Variants in LYPLAL1 observed in about 807,000 individuals in gnomAD.
LYPLAL1 encodes lysophospholipase like 1.
In LYPLAL1, 23 loss-of-function variants were observed where a neutral mutation model predicts 19.7. That is an observed-to-expected ratio of 1.17 (90% CI 0.84 to 1.65). LYPLAL1 has a LOEUF of 1.65. Among genes scored for constraint, LYPLAL1 ranks in the 40% most tolerant of loss-of-function variants. LYPLAL1 has a pLI of 0.00. For synonymous variants in LYPLAL1, 119 were observed against 96.3 expected (o/e 1.24, Z -1.38); for missense variants, 355 against 279.4 (o/e 1.27, Z -1.93).
downstream of LYPLAL1, among the ~76,000 whole-genome samples, chr1:219,216,910 A>G (rs1439671822): frequency 6.6e-6 from 1 of 152,150 alleles, no homozygotes; most frequent in East Asian, 1.9e-4. Flanking sequence ...CTGCCAGAGT[A>G]CAATATGTAA....
Position 219,182,860 on chromosome 1 carries a change from T to C in LYPLAL1, c.191+3614T>C, listed in dbSNP as rs78949275. On this transcript the variant is annotated intron_variant, in intron 2 of 4. Transcript: ENST00000366928. The stretch of plus-strand genomic sequence containing the variant: ...ATTCAGGGTTTACCTGCCTGTTAGT[T>C]GGCCAGTTTTGTCCTAGAATGTATC... 1.9e-3 allele frequency among the ~76,000 whole-genome samples: 282 copies of C among 152,234 alleles called. 1 individual carries two copies. Among genetic ancestry groups the C allele is most frequent in the African/African-American group, 6.1e-3 (252 of 41,560 alleles).
At chr1:219,281,874 G>A in the LYPLAL1 span, among the ~76,000 whole-genome samples, 6 of 152,150 alleles carry the variant, frequency 3.9e-5, no homozygotes, top group Admixed American at 2.0e-4. Context: ...GAAAGGGGAC[G>A]TCATCCCCAC....
chr1:219,424,877 G>T, the LYPLAL1 span, among the ~76,000 whole-genome samples: 9 of 152,072 alleles, frequency 5.9e-5, 1 homozygote, highest in Admixed American at 4.6e-4. Flanking sequence ...TTATATATAA[G>T]AGAAGAATAA....
the LYPLAL1 span, among the ~76,000 whole-genome samples, chr1:219,241,134 C>CTATATATATATATATATATATATA: frequency 2.3e-5 from 1 of 44,360 alleles, no homozygotes; most frequent in Non-Finnish European, 4.3e-5. Context: ...CTCTCTCTCT[C>CTATATATATATATATATATATATA]TATATATATA....
chr1:219,418,965 T>C, the LYPLAL1 span, among the ~76,000 whole-genome samples: 1 of 152,218 alleles, frequency 6.6e-6, no homozygotes, highest in South Asian at 2.1e-4. Context: ...TCCCCATTCT[T>C]TTTTCTTGGC....
chr1:219,305,637 G>A, the LYPLAL1 span, among the ~76,000 whole-genome samples: 1 of 152,178 alleles, frequency 6.6e-6, no homozygotes, highest in Non-Finnish European at 1.5e-5. Context: ...ATGGCAGAAA[G>A]TGATATTCAG....
the LYPLAL1 span, among the ~76,000 whole-genome samples, chr1:219,363,104 G>A: frequency 2.6e-5 from 4 of 152,114 alleles, no homozygotes; most frequent in Non-Finnish European, 2.9e-5. Flanking sequence ...GCCTACCTAT[G>A]TAAGAATTAA....
At chr1:219,218,048 A>G in the LYPLAL1 span, among the ~76,000 whole-genome samples, 1 of 151,996 alleles carries the variant, frequency 6.6e-6, no homozygotes, top group Non-Finnish European at 1.5e-5. Flanking sequence ...TAATCCTTAA[A>G]GAGAAGTAAA....
the LYPLAL1 span, among the ~76,000 whole-genome samples, chr1:219,267,810 A>G: frequency 3.3e-5 from 5 of 152,338 alleles, no homozygotes; most frequent in East Asian, 3.9e-4. Context: ...TGTTCTTTCT[A>G]TCATTCAGAG....
the LYPLAL1 span, among the ~76,000 whole-genome samples, chr1:219,419,592 C>CAGAGAGAGAGAG: frequency 7.9e-3 from 496 of 62,710 alleles, 3 homozygotes; most frequent in African/African-American, 0.022. Context: ...CACACACACA[C>CAGAGAGAGAGAG]ACAGAGAGAG....
At position 219,193,114 on chromosome 1, in the gene LYPLAL1, A is replaced by G. The variant is rs777326480; in HGVS notation, c.224A>G (p.Asn75Ser). ...SYTPMKGGIS[N>S]VWFDRFKITN... is the part of the protein sequence containing the mutation. Reference sequence around the variant, plus strand: ...ACTCCTATGAAAGGAGGAATCTCCAATGTATGGTTTGACAGATTTAAAATA... The same window carrying G: ...ACTCCTATGAAAGGAGGAATCTCCAGTGTATGGTTTGACAGATTTAAAATA... The change falls in exon 3 of 5, where the codon AAT becomes AGT. Residue 75 changes from asparagine (N) to serine (S), a missense_variant. Coordinates refer to ENST00000366928, the MANE Select transcript of LYPLAL1 (RefSeq NM_138794.5). The G allele has an allele frequency of 9.9e-6, 16 of 1,609,082 alleles. No individual in the cohort carries two copies. In the East Asian group the frequency reaches 1.6e-4, roughly 16 times the overall value.
chr1:219,400,233 G>A, the LYPLAL1 span, among the ~76,000 whole-genome samples: 4 of 151,866 alleles, frequency 2.6e-5, no homozygotes, highest in Non-Finnish European at 5.9e-5. Context: ...TGCACCAGTT[G>A]TCTCAGCCCT....
chr1:219,415,575 A>C, the LYPLAL1 span, among the ~76,000 whole-genome samples: 1 of 152,346 alleles, frequency 6.6e-6, no homozygotes, highest in East Asian at 1.9e-4. Flanking sequence ...TAGTGAGCAC[A>C]TACACTTGAG....
the LYPLAL1 span, among the ~76,000 whole-genome samples, chr1:219,368,612 C>A: frequency 6.6e-6 from 1 of 152,170 alleles, no homozygotes. Context: ...GACTAAGCCA[C>A]CAACAGTGTC....
the LYPLAL1 span, among the ~76,000 whole-genome samples, chr1:219,347,229 G>A: frequency 1.1e-4 from 17 of 152,100 alleles, no homozygotes; most frequent in Admixed American, 5.9e-4. Flanking sequence ...GCTATGCCCA[G>A]GGTTTTGATT....
chr1:219,381,676 T>C, the LYPLAL1 span, among the ~76,000 whole-genome samples: 4 of 152,150 alleles, frequency 2.6e-5, no homozygotes, highest in Non-Finnish European at 5.9e-5. Flanking sequence ...AGAGTGCCCT[T>C]TTAAAGGCAT....
intron 2 of LYPLAL1, among the ~76,000 whole-genome samples, chr1:219,184,429 T>C (rs1000859624): frequency 1.3e-5 from 2 of 151,986 alleles, no homozygotes; most frequent in Non-Finnish European, 2.9e-5. Flanking sequence ...ATATTCCTTA[T>C]GAATTTCGTG....
chr1:219,252,348 T>G, the LYPLAL1 span, among the ~76,000 whole-genome samples: 1 of 152,124 alleles, frequency 6.6e-6, no homozygotes, highest in East Asian at 1.9e-4. Context: ...AGGGCATCCT[T>G]GTCTTGTCCC....
At chr1:219,419,584 C>G in the LYPLAL1 span, among the ~76,000 whole-genome samples, 1,532 of 128,868 alleles carry the variant, frequency 0.012, 43 homozygotes, top group African/African-American at 0.045. Flanking sequence ...CACACACACA[C>G]ACACACACAC....
Sources: allele counts gnomAD v4.1 joint callset (sites outside exome capture counted in the v4.1 genomes callset), GRCh38; gene constraint gnomAD v4.1.1; transcripts MANE v1.5; gene names NCBI Gene and HGNC (gene_info 2026-07-23, HGNC 2026-07-21).